The following FXR2 variants were observed in gnomAD, a reference collection of about 807,000 sequenced individuals.
The protein encoded by FXR2 is RNA-binding protein FXR2.
In FXR2, 9 loss-of-function variants were observed where a neutral mutation model predicts 87.3. The observed-to-expected ratio is 0.10, with a 90% confidence interval of 0.06 to 0.18. The LOEUF (loss-of-function observed/expected upper bound fraction) is 0.18, where lower values mean the gene tolerates loss of function less well. FXR2 is among the 10% of genes least tolerant of loss of function. FXR2 has a pLI of 1.00. For synonymous variants in FXR2, 331 were observed against 328.3 expected, an observed-to-expected ratio of 1.01 and a Z score of -0.09; for missense variants, 661 against 893.6, an observed-to-expected ratio of 0.74 and a Z score of 3.32.
chr17:7,604,176 A>C, intron 3 of FXR2, 96 bp from the exon 4 acceptor site: 1 of 916,702 alleles, frequency 1.1e-6, no homozygotes, highest in Non-Finnish European at 1.7e-6. Context: ...TCACACCTGT[A>C]ATCTCAGCGC....
At chr17:7,614,252 G>A (rs1463023252) in intron 1 of FXR2, 200 bp downstream of exon 1, 2 of 687,524 alleles carry the variant, frequency 2.9e-6, no homozygotes, top group Middle Eastern at 3.6e-4. Context: ...AGCAGGTGCA[G>A]GTGCCTTAGA....
rs772553286 is a variant in FXR2 at position 7,593,381 on chromosome 17, C to T, written c.1330+22G>A. The stretch of plus-strand genomic sequence containing the variant: ...CCACAAGCCCTGCCACTCCTTGCCT[C>T]CTGTTCCCATAACTGTCTCACCATA... On this transcript the variant is annotated intron_variant, in intron 12 of 16. Transcript: ENST00000250113. This position sits in a 1 kb window ranked among gnomAD's most constrained non-coding sequence, Gnocchi z 6.1. The T allele has an allele frequency of 5.2e-5, 80 of 1,530,052 alleles. No individual in the cohort carries two copies. Among genetic ancestry groups the T allele is most frequent in the Non-Finnish European group, 7.0e-5 (79 of 1,126,988 alleles). The allele number at this position is 1,530,052 out of a possible 1,614,324, so 94.8% of individuals were successfully genotyped here.
intron 1 of FXR2, among the ~76,000 whole-genome samples, chr17:7,612,734 C>T (rs1375655470): frequency 5.3e-5 from 8 of 152,002 alleles, no homozygotes; most frequent in Non-Finnish European, 1.0e-4. Context: ...CGGTGGCTCA[C>T]GCCTGTAATC....
rs777681208 is a variant in FXR2, at chr17:7,603,782, C to G, written c.424G>C (p.Ala142Pro). ...GCTTCTCTCAGATCCTCGGGCACAG[C>G]CATGGTAACCTTGAAGAAGCTGCCT... is the stretch of plus-strand genomic sequence containing the variant. ...TKGSFFKVTMAVPEDLREACS... is the reference protein window; with the variant it reads ...TKGSFFKVTMPVPEDLREACS... Residue 142 changes from alanine (A) to proline (P), a missense_variant, in exon 5 of 17, where the codon GCT becomes CCT. Physicochemically the swap from Ala to Pro is conservative, Grantham distance 27. Transcript: ENST00000250113. The G allele has an allele frequency of 6.2e-7, 1 of 1,613,892 alleles. No individual in the cohort carries two copies. The highest frequency in any genetic ancestry group is 2.2e-5 in the East Asian group (1 of 44,874).
rs761974498 is a variant in FXR2 at position 7,609,961 on chromosome 17, T to TACGTGTATATGTATACATATAC, written c.82-3813_82-3812insGTATATGTATACATATACACGT. Among the ~76,000 whole-genome samples, 465 of 109,470 alleles carry TACGTGTATATGTATACATATAC rather than the reference T, an allele frequency of 4.2e-3. 8 individuals are homozygous for TACGTGTATATGTATACATATAC. Among genetic ancestry groups the TACGTGTATATGTATACATATAC allele is most frequent in the Non-Finnish European group, 9.1e-3 (397 of 43,476 alleles). The allele number at this position is 109,470 out of a possible 152,430, so 71.8% of individuals were successfully genotyped here. A position where few individuals can be genotyped will look rare whatever the true frequency, so the allele number is the denominator to read the frequency against. On this transcript the variant is annotated intron_variant, in intron 1 of 16. Coordinates refer to ENST00000250113, the MANE Select transcript of FXR2 (RefSeq NM_004860.4). ...ATATACATGTATATGTATACATATA[T>TACGTGTATATGTATACATATAC]ATACATGTATATGTATACATATATA...
At chr17:7,596,151 GT>G (rs2071705941) in intron 7 of FXR2, 157 bp from the exon 8 acceptor site, 1 of 619,062 alleles carries the variant, frequency 1.6e-6, no homozygotes, top group Non-Finnish European at 2.8e-6. Flanking sequence ...GTGTGGAAAG[GT>G]CAGGAACTTT....
At chr17:7,614,195 A>AG in intron 1 of FXR2, 1 of 673,252 alleles carries the variant, frequency 1.5e-6, no homozygotes. Context: ...GCGCCAAGCC[A>AG]GGGACAATAA....
Position 7,602,939 on chromosome 17 carries a change from G to A in FXR2, c.513C>T (p.Leu171=). ...KKALGANCIF[L]NITNSELFIL... is the part of the protein sequence containing the mutation. ...TGAAGAGCTCACTGTTTGTGATGTT[G>A]AGAAAGATGCAGTTGGCTCCCAGGG... The change falls in exon 6 of 17, where the codon CTC becomes CTT. Residue 171 remains leucine (L), a synonymous_variant. Coordinates refer to ENST00000250113, the MANE Select transcript of FXR2 (RefSeq NM_004860.4). 1 of 1,570,626 alleles carries A rather than the reference G, an allele frequency of 6.4e-7. No individual in the cohort carries two copies. Among genetic ancestry groups the A allele is most frequent in the South Asian group, 1.1e-5 (1 of 89,680 alleles).
chr17:7,607,590 G>A (rs548066913), intron 1 of FXR2, among the ~76,000 whole-genome samples: 2 of 151,628 alleles, frequency 1.3e-5, no homozygotes, highest in South Asian at 4.2e-4. Flanking sequence ...ACCACACCAG[G>A]CTAATTTTTT....
At chr17:7,596,049 C>A in intron 7 of FXR2, 55 bp from the exon 8 acceptor site, 2 of 1,358,528 alleles carry the variant, frequency 1.5e-6, no homozygotes, top group Admixed American at 1.8e-5. Context: ...CAGTCCCAGG[C>A]ACACGACCCT....
rs1369941345 is a variant in FXR2, at chr17:7,614,889, G to A, written c.-357C>T. 4 of 154,502 alleles carry A rather than the reference G, an allele frequency of 2.6e-5. No individual in the cohort carries two copies. The highest frequency in any genetic ancestry group is 5.8e-5 in the Non-Finnish European group (4 of 69,182). 9.6% of individuals were successfully genotyped at this position (154,502 alleles called of 1,614,324 possible). On this transcript the variant is annotated 5_prime_UTR_variant, in exon 1 of 17. Coordinates refer to ENST00000250113, the MANE Select transcript of FXR2 (RefSeq NM_004860.4). ...GCCTCCACCTCCCCCTGCCACCGCC[G>A]CCTACTGCGCAGGCGCACCGGGCAC...
intron 7 of FXR2, among the ~76,000 whole-genome samples, chr17:7,600,971 G>C (rs1246482804): frequency 2.0e-5 from 3 of 151,880 alleles, no homozygotes; most frequent in Admixed American, 6.6e-5. Flanking sequence ...CATGAGGCCA[G>C]GAGTTCGAGG....
chr17:7,591,823 G>A lies in FXR2; in HGVS notation c.*7C>T. 7.0e-7 allele frequency: 1 copy of A among 1,432,474 alleles called. No individual in the cohort carries two copies. 88.7% of individuals were successfully genotyped at this position (1,432,474 alleles called of 1,614,324 possible). ...GATGGAGAAGGGAGGGGTGCAGGTT[G>A]GAGGTTTTATGAAACCCCATTCACC... On this transcript the variant is annotated 3_prime_UTR_variant, in exon 17 of 17. Coordinates refer to ENST00000250113, the MANE Select transcript of FXR2 (RefSeq NM_004860.4). The surrounding 1 kb of genome is among the most constrained non-coding windows in gnomAD (Gnocchi z 4.0).
chr17:7,594,444 G>T lies in FXR2; in HGVS notation c.911-97C>A. ...CTTCCAGCCTCATTTTCTTTATATG[G>T]ATTCCATTTACTTCATTCTCCTGCT... On this transcript the variant is annotated intron_variant, in intron 9 of 16. Coordinates refer to ENST00000250113, the MANE Select transcript of FXR2 (RefSeq NM_004860.4). This position sits in a 1 kb window ranked among gnomAD's most constrained non-coding sequence, Gnocchi z 5.1. 1 of 766,658 alleles carries T rather than the reference G, an allele frequency of 1.3e-6. No homozygotes were observed. Among genetic ancestry groups the T allele is most frequent in the Non-Finnish European group, 2.2e-6 (1 of 454,262 alleles). 47.5% of individuals were successfully genotyped at this position (766,658 alleles called of 1,614,324 possible).
rs1481336994 is a variant in FXR2, at chr17:7,594,794, G to A, written c.832-37C>T. 1 of 1,289,170 alleles carries A rather than the reference G, an allele frequency of 7.8e-7. No homozygotes were observed. The highest frequency in any genetic ancestry group is 1.2e-5 in the South Asian group (1 of 84,498). The allele number at this position is 1,289,170 out of a possible 1,614,324, so 79.9% of individuals were successfully genotyped here. A position where few individuals can be genotyped will look rare whatever the true frequency, so the allele number is the denominator to read the frequency against. On this transcript the variant is annotated intron_variant, in intron 8 of 16. Transcript: ENST00000250113. The surrounding 1 kb of genome is among the most constrained non-coding windows in gnomAD (Gnocchi z 5.1). Reference sequence around the variant, plus strand: ...ACAGCAGGGAGTTGTTACTAAAACAGAAGACCAGCTGGATGTGGTGGCTCA... The same window carrying A: ...ACAGCAGGGAGTTGTTACTAAAACAAAAGACCAGCTGGATGTGGTGGCTCA...
In FXR2 at chr17:7,591,740, G is replaced by A. The variant is rs1313623874; in HGVS notation, c.*90C>T. 1.3e-6 allele frequency: 1 copy of A among 776,728 alleles called. No homozygotes were observed. The highest frequency in any genetic ancestry group is 2.3e-6 in the Non-Finnish European group (1 of 434,936). 48.1% of individuals were successfully genotyped at this position (776,728 alleles called of 1,614,324 possible). ...CCACCCCCCTCCCCCCTAGATAAGA[G>A]CAGCTCCAGCGCAGGTCAGTTGGGC... On this transcript the variant is annotated 3_prime_UTR_variant, in exon 17 of 17. Coordinates refer to ENST00000250113, the MANE Select transcript of FXR2 (RefSeq NM_004860.4). This position sits in a 1 kb window ranked among gnomAD's most constrained non-coding sequence, Gnocchi z 4.0.
chr17:7,600,786 A>T (rs1289735559), intron 7 of FXR2, among the ~76,000 whole-genome samples: 1 of 152,176 alleles, frequency 6.6e-6, no homozygotes, highest in Non-Finnish European at 1.5e-5. Flanking sequence ...CAGGAGGCTG[A>T]GGCGGGAGAA....
At position 7,593,344 on chromosome 17, in the gene FXR2, C is replaced by A; in HGVS notation, c.1330+59G>T. On this transcript the variant is annotated intron_variant, in intron 12 of 16. Coordinates refer to ENST00000250113, the MANE Select transcript of FXR2 (RefSeq NM_004860.4). The surrounding 1 kb of genome is among the most constrained non-coding windows in gnomAD (Gnocchi z 6.1). The stretch of plus-strand genomic sequence containing the variant: ...GATTTCCCCAAACTTCCATCCAGAC[C>A]TCTGCCTCTACCCACAAGCCCTGCC... The A allele has an allele frequency of 7.3e-7, 1 of 1,374,114 alleles. No individual in the cohort carries two copies. 85.1% of individuals were successfully genotyped at this position (1,374,114 alleles called of 1,614,324 possible). A position where few individuals can be genotyped will look rare whatever the true frequency, so the allele number is the denominator to read the frequency against.
Position 7,614,484 on chromosome 17 carries a change from C to T in FXR2, c.49G>A (p.Glu17Lys). The T allele has an allele frequency of 6.5e-7, 1 of 1,541,358 alleles. No individual in the cohort carries two copies. Among genetic ancestry groups the T allele is most frequent in the Non-Finnish European group, 8.7e-7 (1 of 1,146,816 alleles). The change falls in exon 1 of 17, where the codon GAG becomes AAG. Residue 17 changes from glutamate to lysine, a missense_variant. Physicochemically the swap from Glu to Lys is moderately conservative, Grantham distance 56. Transcript: ENST00000250113. ...GGDVEPGLPVEVRGSNGAFYK... is the reference protein window; with the variant it reads ...GGDVEPGLPVKVRGSNGAFYK... ...AAGGCCCCGTTGGAGCCGCGCACCT[C>T]GACGGGCAGTCCCGGCTCCACATCC... is the stretch of plus-strand genomic sequence containing the variant.
Sources: allele counts gnomAD v4.1 joint callset (sites outside exome capture counted in the v4.1 genomes callset), GRCh38; gene constraint gnomAD v4.1.1; non-coding constraint Gnocchi (gnomAD v3.1); transcripts MANE v1.5; gene names NCBI Gene and HGNC (gene_info 2026-07-23, HGNC 2026-07-21).